The following SRGAP1 variants were observed in gnomAD, a reference collection of about 807,000 sequenced individuals.
SRGAP1 encodes SLIT-ROBO Rho GTPase activating protein 1.
In SRGAP1, 43 loss-of-function variants were observed where a neutral mutation model predicts 121.9. The ratio of observed to expected loss-of-function variants is 0.35; its 90% CI spans 0.28 to 0.46. SRGAP1 has a LOEUF of 0.46. SRGAP1 is among the 20% of genes least tolerant of loss of function. The pLI is 1.00. For missense variants in SRGAP1, 1,102 were observed against 1,350.9 expected, an observed-to-expected ratio of 0.82 and a Z score of 2.89; for synonymous variants, 447 against 485.4, an observed-to-expected ratio of 0.92 and a Z score of 1.04.
intron 1 of SRGAP1, among the ~76,000 whole-genome samples, chr12:63,860,065 G>A (rs1343130567): frequency 2.6e-5 from 4 of 152,096 alleles, no homozygotes; most frequent in Non-Finnish European, 5.9e-5. Flanking sequence ...AAGTGCAGTG[G>A]CGTGATCTTG....
chr12:64,021,250 A>G (rs6581522), intron 4 of SRGAP1, among the ~76,000 whole-genome samples: 80,021 of 152,064 alleles, frequency 0.53, 23,220 homozygotes, highest in African/African-American at 0.77. Context: ...CTGCAAGGAG[A>G]TCTGGGAATT....
rs1565704590 is a variant in SRGAP1, at chr12:64,150,947, A to AAAAAAAAAAAAAC, written c.*8287_*8288insCAAAAAAAAAAAA. 6.8e-6 allele frequency: 1 copy of AAAAAAAAAAAAAC among 147,824 alleles called. No homozygotes were observed. Among genetic ancestry groups the AAAAAAAAAAAAAC allele is most frequent in the Non-Finnish European group, 1.5e-5 (1 of 66,596 alleles). 9.2% of individuals were successfully genotyped at this position (147,824 alleles called of 1,614,324 possible). On this transcript the variant is annotated 3_prime_UTR_variant, in exon 22 of 22. Transcript: ENST00000355086. ...GAGAAGCTATCTCAAAAAAAAAAAA[A>AAAAAAAAAAAAAC]AAAAAAAAAAAAACATGGTCAAGAT... is the stretch of plus-strand genomic sequence containing the variant.
chr12:63,973,842 A>G (rs112781673), intron 1 of SRGAP1, among the ~76,000 whole-genome samples: 5,520 of 152,270 alleles, frequency 0.036, 143 homozygotes, highest in South Asian at 0.063. Flanking sequence ...ACTTTGATAT[A>G]TATTCCATGA....
intron 1 of SRGAP1, among the ~76,000 whole-genome samples, chr12:63,961,139 A>G (rs896449963): frequency 6.6e-6 from 1 of 152,220 alleles, no homozygotes. Flanking sequence ...AACTTTAATT[A>G]AAATTAGAGA....
chr12:63,907,830 A>G (rs1231290983), intron 1 of SRGAP1, among the ~76,000 whole-genome samples: 1 of 152,190 alleles, frequency 6.6e-6, no homozygotes, highest in Admixed American at 6.5e-5. Context: ...TTGGAATTTT[A>G]TCGTCCTAGC....
chr12:64,093,120 T>G (rs2036086181), intron 12 of SRGAP1, among the ~76,000 whole-genome samples: 1 of 152,118 alleles, frequency 6.6e-6, no homozygotes, highest in Admixed American at 6.6e-5. Flanking sequence ...AGCAAAACCA[T>G]TTTTTCTCTT....
In SRGAP1 at chr12:64,043,526, A is replaced by G. The variant is rs756353402; in HGVS notation, c.752A>G (p.Asn251Ser). 17 of 1,612,482 alleles carry G rather than the reference A, an allele frequency of 1.1e-5. No individual in the cohort carries two copies. Among genetic ancestry groups the G allele is most frequent in the Middle Eastern group, 3.3e-4 (2 of 6,076 alleles). The change falls in exon 6 of 22, where the codon AAT becomes AGT. Residue 251 changes from asparagine (N) to serine (S), a missense_variant. By Grantham distance (46) the Asn-to-Ser change is conservative (BLOSUM62 1). This residue lies in a region of SRGAP1 where 747 missense variants were observed against 929.4 expected (regional missense o/e 0.80). Transcript: ENST00000355086. ...NEYLLTLEATNASVFKYYIHD... is the reference protein window; with the variant it reads ...NEYLLTLEATSASVFKYYIHD... Reference sequence around the variant, plus strand: ...TATCTCCTAACACTTGAAGCCACCAATGCCTCAGTTTTCAAGTACTATATT... The same window carrying G: ...TATCTCCTAACACTTGAAGCCACCAGTGCCTCAGTTTTCAAGTACTATATT...
intron 8 of SRGAP1, among the ~76,000 whole-genome samples, chr12:64,075,659 G>A (rs527907011): frequency 1.3e-5 from 2 of 152,138 alleles, no homozygotes; most frequent in African/African-American, 2.4e-5. Context: ...GACTAGTGTA[G>A]GATGGTGACT....
chr12:63,992,660 TACAC>T (rs59798383), intron 3 of SRGAP1, among the ~76,000 whole-genome samples: 4,770 of 138,254 alleles, frequency 0.035, 120 homozygotes, highest in African/African-American at 0.069. Flanking sequence ...GCACAGTAAA[TACAC>T]ACACACACAC....
At chr12:63,953,018 A>G (rs186565703) in intron 1 of SRGAP1, among the ~76,000 whole-genome samples, 23 of 152,296 alleles carry the variant, frequency 1.5e-4, no homozygotes, top group Admixed American at 3.9e-4. Flanking sequence ...GAAAGCAGGT[A>G]TTGTTCCCAT....
intron 1 of SRGAP1, among the ~76,000 whole-genome samples, chr12:63,852,965 A>G (rs1592882134): frequency 6.6e-6 from 1 of 151,986 alleles, no homozygotes; most frequent in East Asian, 1.9e-4. Context: ...TATACTGCAA[A>G]TAAGCATGGT....
chr12:63,922,122 G>C (rs950661369), intron 1 of SRGAP1, among the ~76,000 whole-genome samples: 1 of 151,924 alleles, frequency 6.6e-6, no homozygotes, highest in Non-Finnish European at 1.5e-5. Context: ...GAGGTTACAG[G>C]CGCCCACCAC....
intron 1 of SRGAP1, among the ~76,000 whole-genome samples, chr12:63,979,433 G>A (rs994677615): frequency 1.3e-5 from 2 of 151,592 alleles, no homozygotes; most frequent in African/African-American, 4.9e-5. Flanking sequence ...CATATGATTT[G>A]TGAATATTTT....
chr12:63,955,326 AAAAT>A (rs2032430751), intron 1 of SRGAP1, among the ~76,000 whole-genome samples: 1 of 152,236 alleles, frequency 6.6e-6, no homozygotes, highest in Admixed American at 6.5e-5. Flanking sequence ...CTCAAGAAAA[AAAAT>A]AAATAAAAAT....
rs2037155487 is a variant in SRGAP1 at position 64,155,323 on chromosome 12, C to G, written c.*12651C>G. ...TTGGGAGGCCGAGACAGGCGGATCACCTGAGGTCAGGAGTTTGAGACCAGC... is the reference window on the plus strand; with the variant it reads ...TTGGGAGGCCGAGACAGGCGGATCAGCTGAGGTCAGGAGTTTGAGACCAGC... On this transcript the variant is annotated 3_prime_UTR_variant, in exon 22 of 22. Transcript: ENST00000355086. 2 of 152,134 alleles carry G rather than the reference C, an allele frequency of 1.3e-5. No homozygotes were observed. Among genetic ancestry groups the G allele is most frequent in the African/African-American group, 2.4e-5 (1 of 41,430 alleles). The allele number at this position is 152,134 out of a possible 1,614,324, so 9.4% of individuals were successfully genotyped here.
intron 4 of SRGAP1, among the ~76,000 whole-genome samples, chr12:64,030,284 A>G (rs1036585897): frequency 1.3e-5 from 2 of 152,238 alleles, no homozygotes; most frequent in Non-Finnish European, 1.5e-5. Context: ...GAAACTTTTG[A>G]TGAATATGAA....
At position 63,948,973 on chromosome 12, in the gene SRGAP1, T is replaced by TATATATATTCCATATATGTATTTTCC. The variant is rs2032165024; in HGVS notation, c.68-34966_68-34965insTCCATATATGTATTTTCCATATATAT. ...ATATATTCCATATATATATTTTCCA[T>TATATATATTCCATATATGTATTTTCC]ATATATATATTCCATATATGTATTT... On this transcript the variant is annotated intron_variant, in intron 1 of 21. Coordinates refer to ENST00000355086, the MANE Select transcript of SRGAP1 (RefSeq NM_020762.4). 3.2e-5 allele frequency among the ~76,000 whole-genome samples: 4 copies of TATATATATTCCATATATGTATTTTCC among 125,330 alleles called. 1 individual carries two copies. Among genetic ancestry groups the TATATATATTCCATATATGTATTTTCC allele is most frequent in the African/African-American group, 1.0e-4 (3 of 29,538 alleles). 82.2% of individuals were successfully genotyped at this position (125,330 alleles called of 152,430 possible).
chr12:64,004,866 T>C (rs1043692901), intron 3 of SRGAP1, among the ~76,000 whole-genome samples: 5 of 152,208 alleles, frequency 3.3e-5, no homozygotes, highest in Admixed American at 6.5e-5. Context: ...CCAACTTTCT[T>C]ACCAGTTGAA....
chr12:64,019,743 C>T lies in SRGAP1; in HGVS notation c.489+2731C>T, dbSNP rs74960664. On this transcript the variant is annotated intron_variant, in intron 4 of 21. Coordinates refer to ENST00000355086, the MANE Select transcript of SRGAP1 (RefSeq NM_020762.4). ...GATGAGGCATATTTGAACAGTGGAA[C>T]AATATTTGGAGGAATGTAGTTTAGG... is the stretch of plus-strand genomic sequence containing the variant. Among the ~76,000 whole-genome samples, 473 of 152,258 alleles carry T rather than the reference C, an allele frequency of 3.1e-3. 3 individuals carry two copies. Among genetic ancestry groups the T allele is most frequent in the African/African-American group, 0.011 (443 of 41,550 alleles).
Sources: allele counts gnomAD v4.1 joint callset (sites outside exome capture counted in the v4.1 genomes callset), GRCh38; gene constraint gnomAD v4.1.1; regional missense constraint gnomAD v4.1.1; transcripts MANE v1.5; gene names NCBI Gene and HGNC (gene_info 2026-07-23, HGNC 2026-07-21).